MEMO1: variants seen among roughly 807,000 people sequenced by gnomAD.
MEMO1 encodes protein MEMO1.
Under a neutral mutation model 45.2 loss-of-function variants are expected in MEMO1, and 6 were observed. The observed-to-expected ratio is 0.13, with a 90% CI of 0.07 to 0.26. The LOEUF is 0.26. Ranked by LOEUF, MEMO1 falls within the 10% of genes least tolerant of loss-of-function variation. The probability of loss-of-function intolerance (pLI) is 1.00; values close to 1 mark genes in which losing one functional copy is unlikely to be tolerated. For missense variants in MEMO1, 184 were observed against 370.5 expected, an observed-to-expected ratio of 0.50 and a Z score of 4.13; for synonymous variants, 78 against 124.3, an observed-to-expected ratio of 0.63 and a Z score of 2.48.
chr2:32,001,779 T>C (rs1195275302), intron 2 of MEMO1, among the ~76,000 whole-genome samples: 3 of 152,160 alleles, frequency 2.0e-5, no homozygotes, highest in Admixed American at 2.0e-4. Context: ...ATCTATAAAA[T>C]GGCAAGGTGA....
At position 32,010,189 on chromosome 2, in the gene MEMO1, G is replaced by A; in HGVS notation, c.59C>T (p.Ser20Leu). 6.8e-7 allele frequency: 1 copy of A among 1,470,346 alleles called. No homozygotes were observed. The highest frequency in any genetic ancestry group is 9.1e-7 in the Non-Finnish European group (1 of 1,101,092). 91.1% of individuals were successfully genotyped at this position (1,470,346 alleles called of 1,614,324 possible). A position where few individuals can be genotyped will look rare whatever the true frequency, so the allele number is the denominator to read the frequency against. The change falls in exon 2 of 10, where the codon TCA (serine) becomes TTA (leucine). Residue 20 changes from serine (S) to leucine (L), a missense_variant and splice_region_variant. Physicochemically the swap from Ser to Leu is moderately radical, Grantham distance 145. Transcript: ENST00000404530. Reference protein sequence around the residue: ...ASHAGSWYTASGPQLNAQLEG... With the variant: ...ASHAGSWYTALGPQLNAQLEG... The stretch of plus-strand genomic sequence containing the variant: ...GGGCCGGCGGCCTGGGGCCCTACCT[G>A]AGGCTGTGTACCAGCTCCCGGCGTG...
intron 6 of MEMO1, among the ~76,000 whole-genome samples, chr2:31,897,597 T>C (rs62142068): frequency 0.019 from 2,949 of 152,354 alleles, 30 homozygotes; most frequent in Middle Eastern, 0.041. Context: ...TGCGTTTTGA[T>C]GTGCTGCTGG....
intron 2 of MEMO1, among the ~76,000 whole-genome samples, chr2:32,009,883 C>T (rs1426342102): frequency 6.6e-6 from 1 of 152,032 alleles, no homozygotes; most frequent in East Asian, 1.9e-4. Context: ...CACGTTCCTT[C>T]CTCGAGCCTG....
chr2:31,942,453 T>C (rs1665724805), intron 3 of MEMO1, among the ~76,000 whole-genome samples: 2 of 152,224 alleles, frequency 1.3e-5, no homozygotes, highest in Admixed American at 6.5e-5. Context: ...AAGTCAGTTT[T>C]ATTATCAAAA....
chr2:31,909,205 T>C (rs1052689504), intron 6 of MEMO1, among the ~76,000 whole-genome samples: 5 of 152,164 alleles, frequency 3.3e-5, no homozygotes, highest in Admixed American at 1.3e-4. Context: ...TGGAACAAGA[T>C]AAGGATGCCC....
intron 2 of MEMO1, among the ~76,000 whole-genome samples, chr2:31,993,949 C>CTTT (rs397800267): frequency 9.1e-4 from 67 of 73,616 alleles, no homozygotes; most frequent in Non-Finnish European, 1.1e-3. Flanking sequence ...TCAATACTTT[C>CTTT]TTTTTTTTTT....
At chr2:31,874,019 TAGGA>T (rs1674187882) in intron 8 of MEMO1, among the ~76,000 whole-genome samples, 1 of 151,968 alleles carries the variant, frequency 6.6e-6, no homozygotes, top group Admixed American at 6.6e-5. Context: ...TTTAAAACAG[TAGGA>T]AGGAAGAAAA....
intron 2 of MEMO1, among the ~76,000 whole-genome samples, chr2:31,949,110 A>G (rs1175678229): frequency 1.3e-5 from 2 of 152,214 alleles, no homozygotes. Flanking sequence ...CAGGCAGTTA[A>G]CAAATGCTGG....
intron 6 of MEMO1, chr2:31,893,345 A>G (rs1677228937): frequency 1.7e-6 from 2 of 1,159,096 alleles, no homozygotes; most frequent in Non-Finnish European, 2.2e-6. Flanking sequence ...GAAAAAAAGG[A>G]AGCTGGCAGA....
chr2:31,948,814 A>G (rs1374904139), intron 2 of MEMO1, among the ~76,000 whole-genome samples: 3 of 152,188 alleles, frequency 2.0e-5, no homozygotes, highest in Non-Finnish European at 2.9e-5. Context: ...CAGGATTTTG[A>G]GATAATCTAA....
intron 9 of MEMO1, among the ~76,000 whole-genome samples, chr2:31,869,373 ACC>A (rs1673328819): frequency 6.6e-6 from 1 of 152,142 alleles, no homozygotes; most frequent in Non-Finnish European, 1.5e-5. Flanking sequence ...TCTGACTCTT[ACC>A]ATTCCTTAAC....
At chr2:31,895,227 T>C (rs1377147011) in intron 6 of MEMO1, among the ~76,000 whole-genome samples, 1 of 152,098 alleles carries the variant, frequency 6.6e-6, no homozygotes, top group African/African-American at 2.4e-5. Flanking sequence ...TTATAAGTCA[T>C]GCAAAGAAAC....
chr2:31,875,624 C>T (rs1674441843), intron 8 of MEMO1, among the ~76,000 whole-genome samples: 1 of 152,168 alleles, frequency 6.6e-6, no homozygotes, highest in Non-Finnish European at 1.5e-5. Flanking sequence ...AACATCACCA[C>T]AGTCCAAGTT....
chr2:31,968,973 A>G (rs900518524), intron 2 of MEMO1, among the ~76,000 whole-genome samples: 8 of 152,096 alleles, frequency 5.3e-5, no homozygotes, highest in African/African-American at 1.9e-4. Context: ...TTGATAAACT[A>G]AGAAGTTTAA....
intron 8 of MEMO1, among the ~76,000 whole-genome samples, chr2:31,879,815 A>G (rs1675088944): frequency 6.6e-6 from 1 of 152,208 alleles, no homozygotes; most frequent in African/African-American, 2.4e-5. Flanking sequence ...TGGTGGCTAC[A>G]GTATCAAAAA....
intron 7 of MEMO1, among the ~76,000 whole-genome samples, chr2:31,885,035 TTA>T (rs1675980499): frequency 6.6e-6 from 1 of 152,366 alleles, no homozygotes; most frequent in South Asian, 2.1e-4. Context: ...AGGTATAGCT[TTA>T]TTTTTCTGTA....
At chr2:31,990,380 A>G (rs370980457) in intron 2 of MEMO1, among the ~76,000 whole-genome samples, 1 of 152,084 alleles carries the variant, frequency 6.6e-6, no homozygotes, top group African/African-American at 2.4e-5. Context: ...TGGGTTTATT[A>G]TTGCTATTTT....
intron 3 of MEMO1, among the ~76,000 whole-genome samples, chr2:31,933,842 A>C (rs539187413): frequency 6.6e-6 from 1 of 152,282 alleles, no homozygotes; most frequent in Admixed American, 6.5e-5. Context: ...CTTAGCCAGA[A>C]GGAAATTTAG....
At chr2:31,893,376 T>C (rs761940315) in intron 6 of MEMO1, 15 of 1,109,644 alleles carry the variant, frequency 1.4e-5, no homozygotes, top group Admixed American at 4.9e-5. Context: ...ACAGGATCTC[T>C]TTCTCTAACT....
Sources: gnomAD v4.1 joint callset for allele counts (sites outside exome capture counted in the v4.1 genomes callset) on GRCh38, gnomAD v4.1.1 for gene constraint, MANE v1.5 for transcripts, NCBI Gene and HGNC (gene_info 2026-07-23, HGNC 2026-07-21) for gene names.